Variants in RASA1 observed in about 807,000 individuals in gnomAD.
The protein encoded by RASA1 is RAS p21 protein activator 1.
A neutral mutation model predicts 132.2 loss-of-function variants in RASA1; 25 were observed. That is an observed-to-expected ratio of 0.19 (90% CI 0.14 to 0.26). The LOEUF is 0.26. Among genes scored for constraint, RASA1 ranks in the 10% least tolerant of loss-of-function variants. The probability of loss-of-function intolerance (pLI) is 1.00; values close to 1 mark genes in which losing one functional copy is unlikely to be tolerated. For missense variants in RASA1, 964 were observed against 1,299.2 expected, an observed-to-expected ratio of 0.74 and a Z score of 3.97; for synonymous variants, 477 against 449.9, an observed-to-expected ratio of 1.06 and a Z score of -0.76.
chr5:87,372,092 CT>C (rs747712492), intron 12 of RASA1, 25 bp from the exon 13 acceptor site: 2 of 1,603,156 alleles, frequency 1.2e-6, no homozygotes, highest in Non-Finnish European at 1.7e-6. Flanking sequence ...GTGTATATTT[CT>C]TTGAAGTGCT....
At position 87,338,058 on chromosome 5, in the gene RASA1, A is replaced by G. The variant is rs980756665; in HGVS notation, c.984A>G (p.Gln328=). The G allele has an allele frequency of 1.2e-6, 2 of 1,612,278 alleles. No individual in the cohort carries two copies. Among genetic ancestry groups the G allele is most frequent in the Admixed American group, 1.7e-5 (1 of 59,990 alleles). The stretch of plus-strand genomic sequence containing the variant: ...TTACAAATTTAAGAACAGATGAACA[A>G]GGCCTTATTGTTGAAGACCTAGTAG... ...MWVTNLRTDE[Q]GLIVEDLVEE... is the part of the protein sequence containing the mutation. The change falls in exon 5 of 25, where the codon CAA becomes CAG. Residue 328 remains glutamine (Q), a synonymous_variant. Coordinates refer to ENST00000274376, the MANE Select transcript of RASA1 (RefSeq NM_002890.3).
chr5:87,270,646 CTTTTTTTTTTTTTTTTTTTTTTTT>C (rs70996415), intron 1 of RASA1, among the ~76,000 whole-genome samples: 34 of 71,762 alleles, frequency 4.7e-4, no homozygotes, highest in Admixed American at 7.4e-4. Flanking sequence ...GGTGCCCGGC[CTTTTTTTTTTTTTTTTTTTTTTTT>C]TTTTTTTTTT....
At chr5:87,353,929 GA>G (rs1034214718) in intron 9 of RASA1, among the ~76,000 whole-genome samples, 3 of 152,128 alleles carry the variant, frequency 2.0e-5, no homozygotes, top group African/African-American at 7.2e-5. Flanking sequence ...ACAGGGGTTA[GA>G]AAAAGGTGCT....
chr5:87,350,157 G>A (rs900782886), intron 8 of RASA1, among the ~76,000 whole-genome samples: 2 of 151,720 alleles, frequency 1.3e-5, no homozygotes, highest in Non-Finnish European at 3.0e-5. Flanking sequence ...TTGTTTATCT[G>A]AAAAAAACCA....
chr5:87,304,433 T>C (rs1755514502), intron 1 of RASA1, among the ~76,000 whole-genome samples: 1 of 152,152 alleles, frequency 6.6e-6, no homozygotes, highest in South Asian at 2.1e-4. Flanking sequence ...CTTATCCTTC[T>C]GCTTTTTGCA....
intron 20 of RASA1, among the ~76,000 whole-genome samples, chr5:87,381,386 A>G (rs1373365206): frequency 6.6e-6 from 1 of 152,202 alleles, no homozygotes; most frequent in African/African-American, 2.4e-5. Flanking sequence ...AATTCCAGGC[A>G]AATGGAAGTT....
chr5:87,317,676 C>G (rs1425103170), intron 1 of RASA1, among the ~76,000 whole-genome samples: 2 of 150,760 alleles, frequency 1.3e-5, no homozygotes, highest in African/African-American at 4.9e-5. Context: ...TGCTCTGTTG[C>G]CCAGGCTGAA....
At chr5:87,311,273 A>G (rs1051880730) in intron 1 of RASA1, among the ~76,000 whole-genome samples, 12 of 152,174 alleles carry the variant, frequency 7.9e-5, no homozygotes, top group Admixed American at 6.5e-4. Context: ...AACTGGCAGT[A>G]TCTGGTGCTT....
chr5:87,359,470 CTAGTCCCCACTTTAATAT>C (rs1267567343), intron 9 of RASA1, among the ~76,000 whole-genome samples: 12 of 152,228 alleles, frequency 7.9e-5, no homozygotes, highest in African/African-American at 2.9e-4. Flanking sequence ...GATTTGTGGG[CTAGTCCCCACTTTAATAT>C]GATTTTTAAA....
At chr5:87,299,227 C>T (rs1006706289) in intron 1 of RASA1, among the ~76,000 whole-genome samples, 2 of 152,088 alleles carry the variant, frequency 1.3e-5, no homozygotes, top group African/African-American at 4.8e-5. Flanking sequence ...CTTTGCAGGG[C>T]GTGTTTTGAG....
At chr5:87,293,877 A>G (rs1417190421) in intron 1 of RASA1, among the ~76,000 whole-genome samples, 1 of 151,844 alleles carries the variant, frequency 6.6e-6, no homozygotes, top group Non-Finnish European at 1.5e-5. Flanking sequence ...ATATTAGTTT[A>G]TTATCTTTTT....
intron 6 of RASA1, among the ~76,000 whole-genome samples, chr5:87,345,979 T>C (rs1374252188): frequency 1.3e-5 from 2 of 152,136 alleles, no homozygotes; most frequent in African/African-American, 2.4e-5. Flanking sequence ...ATCAGATATA[T>C]CCTTTTATTT....
intron 8 of RASA1, among the ~76,000 whole-genome samples, chr5:87,350,882 A>G (rs190771052): frequency 1.9e-3 from 286 of 151,838 alleles, no homozygotes; most frequent in Non-Finnish European, 2.4e-3. Flanking sequence ...TATGTGAATC[A>G]GGTGCTGTGA....
At chr5:87,298,350 A>G (rs1022101184) in intron 1 of RASA1, among the ~76,000 whole-genome samples, 15 of 150,904 alleles carry the variant, frequency 9.9e-5, no homozygotes, top group African/African-American at 3.7e-4. Flanking sequence ...CGGAGCTTGC[A>G]GTGAGCCTAG....
At chr5:87,293,557 C>G (rs1754995865) in intron 1 of RASA1, among the ~76,000 whole-genome samples, 1 of 152,020 alleles carries the variant, frequency 6.6e-6, no homozygotes, top group Non-Finnish European at 1.5e-5. Context: ...CTTGTAATGT[C>G]TTTGTCTGGT....
chr5:87,319,816 C>T (rs75813061), intron 1 of RASA1, among the ~76,000 whole-genome samples: 1,811 of 152,288 alleles, frequency 0.012, 27 homozygotes, highest in African/African-American at 0.041. Flanking sequence ...TTGAATTTCT[C>T]CCCCCAAAAT....
chr5:87,376,597 T>C (rs1473833286), intron 16 of RASA1, 32 bp downstream of exon 16: 2 of 1,596,672 alleles, frequency 1.3e-6, no homozygotes, highest in African/African-American at 1.3e-5. Flanking sequence ...TTGTTTTTGT[T>C]GGAATTAACA....
intron 17 of RASA1, 154 bp downstream of exon 17, chr5:87,377,194 C>A: frequency 1.0e-6 from 1 of 961,020 alleles, no homozygotes; most frequent in Non-Finnish European, 1.6e-6. Context: ...AGTTGGATGT[C>A]AGTTCTGATT....
At position 87,268,264 on chromosome 5, in the gene RASA1, CAGCTG is replaced by C. The variant is rs1753651523; in HGVS notation, c.-187_-183del. 2 of 852,988 alleles carry C rather than the reference CAGCTG, an allele frequency of 2.3e-6. No homozygotes were observed. Among genetic ancestry groups the C allele is most frequent in the Non-Finnish European group, 3.5e-6 (2 of 576,430 alleles). The allele number at this position is 852,988 out of a possible 1,614,324, so 52.8% of individuals were successfully genotyped here. A position where few individuals can be genotyped will look rare whatever the true frequency, so the allele number is the denominator to read the frequency against. ...CCCACTTGGCTTCCCGTAACCCAGG[CAGCTG>C]GGGAGCCTGGGCTGTGGCCCTAGGA... On this transcript the variant is annotated 5_prime_UTR_variant, in exon 1 of 25. Transcript: ENST00000274376.
Sources: allele counts gnomAD v4.1 joint callset (sites outside exome capture counted in the v4.1 genomes callset), GRCh38; gene constraint gnomAD v4.1.1; transcripts MANE v1.5; gene names NCBI Gene and HGNC (gene_info 2026-07-23, HGNC 2026-07-21).